Variants in SIRT1 observed in about 807,000 individuals in gnomAD.
The protein encoded by SIRT1 is sirtuin 1.
A neutral mutation model predicts 67.9 loss-of-function variants in SIRT1; 24 were observed. That is an observed-to-expected ratio of 0.35 (90% CI 0.26 to 0.50). The LOEUF (loss-of-function observed/expected upper bound fraction) is 0.50, where lower values mean the gene tolerates loss of function less well. SIRT1 is among the 20% of genes least tolerant of loss of function. The probability of loss-of-function intolerance (pLI) is 0.98; values close to 1 mark genes in which losing one functional copy is unlikely to be tolerated. For synonymous variants in SIRT1, 378 were observed against 350.7 expected (o/e 1.08, Z -0.87); for missense variants, 873 against 937.2 (o/e 0.93, Z 0.89).
intron 4 of SIRT1, among the ~76,000 whole-genome samples, chr10:67,904,082 G>C (rs948552727): frequency 6.6e-6 from 1 of 151,064 alleles, no homozygotes; most frequent in African/African-American, 2.4e-5. Context: ...AGTCCTTCCA[G>C]AGTAATTTTT....
At chr10:67,906,349 C>G in intron 4 of SIRT1, 1 of 1,465,924 alleles carries the variant, frequency 6.8e-7, no homozygotes, top group Non-Finnish European at 9.1e-7. Context: ...AATGATAAAT[C>G]AAAAAAAAAT....
At chr10:67,891,338 G>A in intron 3 of SIRT1, 64 bp from the exon 4 acceptor site, 3 of 1,455,324 alleles carry the variant, frequency 2.1e-6, no homozygotes, top group Non-Finnish European at 2.8e-6. Context: ...TATGGTAAGA[G>A]AGCTAGCTAG....
intron 4 of SIRT1, among the ~76,000 whole-genome samples, chr10:67,903,883 C>A (rs544749755): frequency 2.0e-5 from 3 of 152,210 alleles, no homozygotes; most frequent in Admixed American, 6.5e-5. Context: ...AATGGCCCAG[C>A]CCTCATGATT....
intron 6 of SIRT1, among the ~76,000 whole-genome samples, chr10:67,908,600 A>G (rs1325699939): frequency 6.6e-6 from 1 of 152,180 alleles, no homozygotes; most frequent in African/African-American, 2.4e-5. Context: ...GAGGAAGAAT[A>G]GTATATTAAA....
At chr10:67,907,641 G>A (rs142994367) in intron 5 of SIRT1, among the ~76,000 whole-genome samples, 12 of 152,212 alleles carry the variant, frequency 7.9e-5, no homozygotes, top group African/African-American at 2.4e-4. Context: ...TTTAAAACAA[G>A]TATCAACAGG....
At position 67,893,653 on chromosome 10, in the gene SIRT1, T is replaced by C. The variant is rs370943490; in HGVS notation, c.942+2099T>C. Among the ~76,000 whole-genome samples the C allele has an allele frequency of 5.4e-4, 82 of 151,746 alleles. 2 individuals are homozygous for C. In the South Asian group the frequency reaches 0.016, roughly 29 times the overall value. ...TCCACTTCCCGAGTTCAAGAGATTC[T>C]CCTGCCTCAGCCTTCCGAGTTGTTG... On this transcript the variant is annotated intron_variant, in intron 4 of 8. Coordinates refer to ENST00000212015, the MANE Select transcript of SIRT1 (RefSeq NM_012238.5).
chr10:67,896,065 T>C (rs550835952), intron 4 of SIRT1, among the ~76,000 whole-genome samples: 22 of 152,296 alleles, frequency 1.4e-4, no homozygotes, highest in African/African-American at 4.8e-4. Flanking sequence ...ACTGGAAATT[T>C]CAAGTAATGG....
At chr10:67,901,279 T>G (rs1842740815) in intron 4 of SIRT1, among the ~76,000 whole-genome samples, 1 of 152,136 alleles carries the variant, frequency 6.6e-6, no homozygotes, top group Non-Finnish European at 1.5e-5. Context: ...ACCACAGATG[T>G]GCACCACCAT....
At chr10:67,907,352 G>T (rs1246441737) in intron 5 of SIRT1, among the ~76,000 whole-genome samples, 1 of 151,896 alleles carries the variant, frequency 6.6e-6, no homozygotes, top group Non-Finnish European at 1.5e-5. Flanking sequence ...AAAATTAGCC[G>T]GGCATGGTGG....
intron 4 of SIRT1, chr10:67,906,335 A>G (rs1187368678): frequency 1.3e-5 from 20 of 1,523,606 alleles, no homozygotes; most frequent in Non-Finnish European, 1.8e-5. Flanking sequence ...TTGATATTCT[A>G]ATGAATGATA....
Position 67,889,133 on chromosome 10 carries a change from A to G in SIRT1, c.789+10A>G. 3 of 1,591,934 alleles carry G rather than the reference A, an allele frequency of 1.9e-6. No individual in the cohort carries two copies. The highest frequency in any genetic ancestry group is 2.5e-6 in the Non-Finnish European group (3 of 1,176,706). On this transcript the variant is annotated intron_variant, in intron 3 of 8. Coordinates refer to ENST00000212015, the MANE Select transcript of SIRT1 (RefSeq NM_012238.5). ...TCTAACTGGAGCTGGGGTATGTAAG[A>G]CTAGTACATGGGGAGGTCGTATATG...
intron 6 of SIRT1, among the ~76,000 whole-genome samples, chr10:67,908,722 C>G (rs1435180285): frequency 6.6e-6 from 1 of 152,024 alleles, no homozygotes; most frequent in Admixed American, 6.6e-5. Flanking sequence ...GCCAACATGG[C>G]AAAACCCCGT....
At chr10:67,896,790 C>T (rs561881221) in intron 4 of SIRT1, among the ~76,000 whole-genome samples, 8 of 140,774 alleles carry the variant, frequency 5.7e-5, no homozygotes, top group Admixed American at 1.4e-4. Flanking sequence ...AAAAAAAATT[C>T]GCTGGTCTCC....
At chr10:67,885,366 G>T (rs766514231) in intron 1 of SIRT1, 1 of 1,232,940 alleles carries the variant, frequency 8.1e-7, no homozygotes. Flanking sequence ...TCCGTGGCCC[G>T]CCTGGGCGGC....
At chr10:67,908,799 G>A (rs1842857737) in intron 6 of SIRT1, among the ~76,000 whole-genome samples, 1 of 152,182 alleles carries the variant, frequency 6.6e-6, no homozygotes, top group African/African-American at 2.4e-5. Context: ...CTGCTTGGGA[G>A]GCTGAGGCAG....
chr10:67,884,998 C>G lies in SIRT1; in HGVS notation c.277C>G (p.Gln93Glu). The change falls in exon 1 of 9, where the codon CAG (glutamine) becomes GAG (glutamate). Residue 93 changes from glutamine to glutamate, a missense_variant. Transcript: ENST00000212015. ...GGCGGCAGGCGGGGAGCAAGAGGCC[C>G]AGGCGACTGCGGCGGCTGGGGAAGG... ...AAAAGGEQEA[Q>E]ATAAAGEGDN... is the part of the protein sequence containing the mutation. 1 of 1,306,094 alleles carries G rather than the reference C, an allele frequency of 7.7e-7. No individual in the cohort carries two copies. The highest frequency in any genetic ancestry group is 3.9e-5 in the Admixed American group (1 of 25,674). The allele number at this position is 1,306,094 out of a possible 1,614,324, so 80.9% of individuals were successfully genotyped here.
At chr10:67,913,378 T>A (rs1445238445) in intron 8 of SIRT1, among the ~76,000 whole-genome samples, 1 of 152,168 alleles carries the variant, frequency 6.6e-6, no homozygotes, top group Non-Finnish European at 1.5e-5. Flanking sequence ...TTACTCTTCT[T>A]CAGGTGGGAA....
chr10:67,890,051 C>T (rs989556879), intron 3 of SIRT1, among the ~76,000 whole-genome samples: 3 of 151,146 alleles, frequency 2.0e-5, no homozygotes, highest in African/African-American at 7.3e-5. Flanking sequence ...GTCATCATGG[C>T]TCACTGCAGT....
chr10:67,898,258 CAAAAAAAAA>C (rs756541937), intron 4 of SIRT1, among the ~76,000 whole-genome samples: 1 of 66,746 alleles, frequency 1.5e-5, no homozygotes, highest in African/African-American at 4.2e-5. Flanking sequence ...GACTCTGTCT[CAAAAAAAAA>C]AAAAAAGAAA....
Sources: gnomAD v4.1 joint callset for allele counts (sites outside exome capture counted in the v4.1 genomes callset) on GRCh38, gnomAD v4.1.1 for gene constraint, MANE v1.5 for transcripts, NCBI Gene and HGNC (gene_info 2026-07-23, HGNC 2026-07-21) for gene names.